Variants in CNTNAP5 observed in about 807,000 individuals in gnomAD.
The protein encoded by CNTNAP5 is contactin associated protein family member 5.
In CNTNAP5, 72 loss-of-function variants were observed where a neutral mutation model predicts 150.2. That is an observed-to-expected ratio of 0.48 (90% confidence interval 0.40 to 0.58). The LOEUF is 0.58. Ranked by LOEUF, CNTNAP5 falls within the 20% of genes least tolerant of loss-of-function variation. The pLI, the probability that CNTNAP5 is intolerant of heterozygous loss-of-function variation, is 0.00. For synonymous variants in CNTNAP5, 672 were observed against 619.8 expected, an observed-to-expected ratio of 1.08 and a Z score of -1.25; for missense variants, 1,636 against 1,626.2, an observed-to-expected ratio of 1.01 and a Z score of -0.10.
intron 1 of CNTNAP5, among the ~76,000 whole-genome samples, chr2:124,196,528 T>C (rs1423660938): frequency 6.6e-6 from 1 of 152,188 alleles, no homozygotes; most frequent in African/African-American, 2.4e-5. Context: ...GCAAAGATAG[T>C]ACACTCATTA....
intron 3 of CNTNAP5, among the ~76,000 whole-genome samples, chr2:124,382,726 A>C (rs1158951931): frequency 6.6e-6 from 1 of 152,130 alleles, no homozygotes; most frequent in Non-Finnish European, 1.5e-5. Context: ...ACAGTAAAAA[A>C]CAAGGCACTT....
chr2:124,353,894 AGGGAGTTC>A lies in CNTNAP5; in HGVS notation c.382-63548_382-63541del, dbSNP rs1251548188. Among the ~76,000 whole-genome samples, 109 of 152,312 alleles carry A rather than the reference AGGGAGTTC, an allele frequency of 7.2e-4. 2 individuals carry two copies. The East Asian group carries it at 0.019, about 26-fold the overall frequency. ...ACAGGTCAGATCACATTTCAGTTGA[AGGGAGTTC>A]ATGCATTTGATAAATGTGCTGTAGC... On this transcript the variant is annotated intron_variant, in intron 3 of 23. Transcript: ENST00000682447.
intron 1 of CNTNAP5, among the ~76,000 whole-genome samples, chr2:124,149,191 C>T (rs1373366857): frequency 6.6e-6 from 1 of 152,000 alleles, no homozygotes; most frequent in East Asian, 1.9e-4. Context: ...TTAGTCTGTT[C>T]ATAGCCCTCA....
At chr2:124,736,770 C>A (rs1337361950) in intron 13 of CNTNAP5, among the ~76,000 whole-genome samples, 2 of 152,118 alleles carry the variant, frequency 1.3e-5, no homozygotes, top group Admixed American at 1.3e-4. Context: ...TTTTTAATGT[C>A]ATCTATAGAA....
intron 21 of CNTNAP5, among the ~76,000 whole-genome samples, chr2:124,878,121 T>C (rs1363067981): frequency 6.6e-6 from 1 of 152,102 alleles, no homozygotes; most frequent in Admixed American, 6.6e-5. Context: ...CAGTTCATTT[T>C]TCTGCTGAGA....
chr2:124,475,646 T>C (rs963436667), intron 7 of CNTNAP5, among the ~76,000 whole-genome samples: 1 of 152,096 alleles, frequency 6.6e-6, no homozygotes, highest in Non-Finnish European at 1.5e-5. Context: ...TATAATATTA[T>C]TATTTGTCTC....
chr2:124,367,663 G>A (rs1180386929), intron 3 of CNTNAP5, among the ~76,000 whole-genome samples: 3 of 152,174 alleles, frequency 2.0e-5, no homozygotes, highest in Admixed American at 1.3e-4. Flanking sequence ...TCTGAATGCA[G>A]TCTGTTGGCA....
At chr2:124,351,368 G>A (rs1034950501) in intron 3 of CNTNAP5, among the ~76,000 whole-genome samples, 3 of 152,106 alleles carry the variant, frequency 2.0e-5, no homozygotes, top group East Asian at 3.9e-4. Context: ...ATACATCCTG[G>A]CTCCACTGGC....
intron 17 of CNTNAP5, among the ~76,000 whole-genome samples, chr2:124,780,184 C>A (rs756582374): frequency 1.3e-5 from 2 of 152,084 alleles, no homozygotes; most frequent in Admixed American, 6.5e-5. Flanking sequence ...ACATTGAATG[C>A]AGCAATGGAT....
Position 124,512,589 on chromosome 2 carries a change from A to G in CNTNAP5, c.1327+8033A>G, listed in dbSNP as rs550752526. Among the ~76,000 whole-genome samples the G allele has an allele frequency of 1.2e-4, 19 of 152,294 alleles. No homozygotes were observed. The South Asian group carries it at 3.9e-3, about 32-fold the overall frequency. On this transcript the variant is annotated intron_variant, in intron 8 of 23. Coordinates refer to ENST00000682447, the MANE Select transcript of CNTNAP5 (RefSeq NM_001367498.1). Reference sequence around the variant, plus strand: ...AGGCAAATGGCTTATCGGAGGTGCCATCTCAGCGCATCCCATTTAATTCCT... The same window carrying G: ...AGGCAAATGGCTTATCGGAGGTGCCGTCTCAGCGCATCCCATTTAATTCCT...
At chr2:124,035,453 C>T (rs975849546) in intron 1 of CNTNAP5, among the ~76,000 whole-genome samples, 1 of 151,976 alleles carries the variant, frequency 6.6e-6, no homozygotes, top group Non-Finnish European at 1.5e-5. Flanking sequence ...TTCCCTCACT[C>T]TTCCTGTTGC....
intron 6 of CNTNAP5, among the ~76,000 whole-genome samples, chr2:124,466,555 G>T (rs2104826049): frequency 6.6e-6 from 1 of 152,300 alleles, no homozygotes; most frequent in Admixed American, 6.5e-5. Context: ...CAACTATTAA[G>T]TGAATCGAAT....
intron 3 of CNTNAP5, among the ~76,000 whole-genome samples, chr2:124,399,689 T>C (rs1044503112): frequency 6.6e-6 from 1 of 152,142 alleles, no homozygotes; most frequent in African/African-American, 2.4e-5. Context: ...GTGAGTAGTT[T>C]GTGGGGTTAA....
chr2:124,485,026 G>T (rs1206969264), intron 7 of CNTNAP5, among the ~76,000 whole-genome samples: 2 of 152,130 alleles, frequency 1.3e-5, no homozygotes, highest in Non-Finnish European at 2.9e-5. Context: ...TAAGCCAGTT[G>T]GGCGGGCTTC....
chr2:124,253,654 A>G (rs1687240562), intron 3 of CNTNAP5, among the ~76,000 whole-genome samples: 1 of 152,210 alleles, frequency 6.6e-6, no homozygotes, highest in African/African-American at 2.4e-5. Context: ...TATTTAAACA[A>G]GAACAAAGAA....
At chr2:124,496,758 C>A (rs1376386016) in intron 7 of CNTNAP5, among the ~76,000 whole-genome samples, 1 of 152,160 alleles carries the variant, frequency 6.6e-6, no homozygotes, top group Non-Finnish European at 1.5e-5. Context: ...AAGGACGTGC[C>A]AGGATCTCAC....
At chr2:124,032,054 A>C (rs1370854604) in intron 1 of CNTNAP5, among the ~76,000 whole-genome samples, 1 of 152,220 alleles carries the variant, frequency 6.6e-6, no homozygotes, top group Non-Finnish European at 1.5e-5. Flanking sequence ...AATAATGAAT[A>C]AGAAAATATA....
intron 19 of CNTNAP5, among the ~76,000 whole-genome samples, chr2:124,846,214 T>C (rs552757848): frequency 1.3e-5 from 2 of 152,258 alleles, no homozygotes; most frequent in African/African-American, 4.8e-5. Flanking sequence ...GTCACTATTA[T>C]GGTTCAGTTC....
intron 3 of CNTNAP5, among the ~76,000 whole-genome samples, chr2:124,410,172 G>C (rs1479391171): frequency 6.6e-6 from 1 of 151,722 alleles, no homozygotes; most frequent in Non-Finnish European, 1.5e-5. Flanking sequence ...TCAACAAGAA[G>C]AGCTAACTAT....
Sources: allele counts gnomAD v4.1 joint callset (sites outside exome capture counted in the v4.1 genomes callset), GRCh38; gene constraint gnomAD v4.1.1; transcripts MANE v1.5; gene names NCBI Gene and HGNC (gene_info 2026-07-23, HGNC 2026-07-21).